The following SMYD3 variants were observed in gnomAD, a reference collection of about 807,000 sequenced individuals.
The protein encoded by SMYD3 is SET and MYND domain containing 3.
In SMYD3, 36 loss-of-function variants were observed where a neutral mutation model predicts 57.7. The observed-to-expected ratio is 0.62, with a 90% confidence interval of 0.48 to 0.82. The LOEUF is 0.82. Among genes scored for constraint, SMYD3 ranks in the 40% least tolerant of loss-of-function variants. SMYD3 has a pLI of 0.00. For synonymous variants in SMYD3, 211 were observed against 195.0 expected, an observed-to-expected ratio of 1.08 and a Z score of -0.68; for missense variants, 515 against 538.8, an observed-to-expected ratio of 0.96 and a Z score of 0.44.
At chr1:246,071,047 TAAG>T (rs1435000891) in intron 5 of SMYD3, among the ~76,000 whole-genome samples, 2 of 152,186 alleles carry the variant, frequency 1.3e-5, no homozygotes, top group African/African-American at 4.8e-5. Flanking sequence ...AAGGGTTTCC[TAAG>T]AAGATTACAA....
At chr1:246,029,106 A>G (rs2059623908) in intron 5 of SMYD3, among the ~76,000 whole-genome samples, 1 of 152,228 alleles carries the variant, frequency 6.6e-6, no homozygotes, top group Non-Finnish European at 1.5e-5. Flanking sequence ...CATAGGACCC[A>G]AAACTATAAA....
At chr1:246,379,081 TACACACACAC>T (rs34560740) in intron 1 of SMYD3, among the ~76,000 whole-genome samples, 13 of 130,520 alleles carry the variant, frequency 1.0e-4, no homozygotes, top group African/African-American at 3.1e-4. Context: ...CACACATACA[TACACACACAC>T]ACACACACAC....
intron 1 of SMYD3, among the ~76,000 whole-genome samples, chr1:246,471,693 G>A (rs2067963774): frequency 1.3e-5 from 2 of 152,172 alleles, no homozygotes; most frequent in Admixed American, 1.3e-4. Flanking sequence ...TGTTCCACTC[G>A]GATTTCATTT....
chr1:245,759,353 T>G (rs1296329427), intron 11 of SMYD3, among the ~76,000 whole-genome samples: 3 of 152,000 alleles, frequency 2.0e-5, no homozygotes, highest in Admixed American at 1.3e-4. Context: ...ATGTTAAGTG[T>G]TTAGAGGAGG....
chr1:246,184,996 T>C (rs762301286), intron 5 of SMYD3, among the ~76,000 whole-genome samples: 10 of 152,242 alleles, frequency 6.6e-5, no homozygotes, highest in Non-Finnish European at 1.2e-4. Context: ...ATTTGTTTCT[T>C]ACATTTCCTA....
At chr1:246,240,394 T>G (rs1348105012) in intron 5 of SMYD3, among the ~76,000 whole-genome samples, 1 of 152,192 alleles carries the variant, frequency 6.6e-6, no homozygotes, top group East Asian at 1.9e-4. Flanking sequence ...AAAGATCAGA[T>G]GGTTGTAGAT....
intron 5 of SMYD3, among the ~76,000 whole-genome samples, chr1:246,122,029 T>C (rs2148029189): frequency 6.6e-6 from 1 of 151,130 alleles, no homozygotes; most frequent in South Asian, 2.1e-4. Context: ...CAAATATAAA[T>C]ATCCCTTGCA....
At chr1:246,226,951 T>C (rs2063338712) in intron 5 of SMYD3, among the ~76,000 whole-genome samples, 1 of 152,242 alleles carries the variant, frequency 6.6e-6, no homozygotes, top group Non-Finnish European at 1.5e-5. Flanking sequence ...CTTGAATTTA[T>C]TTAGCATTAT....
chr1:245,830,296 T>C (rs972919174), intron 10 of SMYD3, among the ~76,000 whole-genome samples: 1 of 152,174 alleles, frequency 6.6e-6, no homozygotes, highest in Admixed American at 6.5e-5. Flanking sequence ...CTCACAATCA[T>C]GGCGGAAGGC....
intron 1 of SMYD3, among the ~76,000 whole-genome samples, chr1:246,390,660 A>G (rs1021810235): frequency 2.0e-5 from 3 of 152,228 alleles, no homozygotes; most frequent in Non-Finnish European, 4.4e-5. Flanking sequence ...TATTTAATCC[A>G]ACATATCCAA....
intron 10 of SMYD3, among the ~76,000 whole-genome samples, chr1:245,808,239 T>G (rs2148276477): frequency 6.6e-6 from 1 of 152,312 alleles, no homozygotes; most frequent in East Asian, 1.9e-4. Context: ...GATCTAAAGA[T>G]GGCATACTTG....
At chr1:246,284,821 G>A (rs937141420) in intron 5 of SMYD3, among the ~76,000 whole-genome samples, 3 of 152,142 alleles carry the variant, frequency 2.0e-5, no homozygotes, top group Non-Finnish European at 2.9e-5. Context: ...TTTCTAATGT[G>A]AAACCAGCCT....
chr1:245,818,670 C>T (rs1196920327), intron 10 of SMYD3, among the ~76,000 whole-genome samples: 2 of 151,752 alleles, frequency 1.3e-5, no homozygotes, highest in East Asian at 1.9e-4. Context: ...CAGAGACACA[C>T]ATAGGCTCAA....
chr1:246,061,265 T>C (rs901370758), intron 5 of SMYD3, among the ~76,000 whole-genome samples: 4 of 152,066 alleles, frequency 2.6e-5, no homozygotes, highest in African/African-American at 9.7e-5. Flanking sequence ...GCTTAAATTC[T>C]TGTAAAAATA....
At chr1:245,940,817 T>G (rs912148924) in intron 5 of SMYD3, among the ~76,000 whole-genome samples, 3 of 152,218 alleles carry the variant, frequency 2.0e-5, no homozygotes, top group African/African-American at 7.2e-5. Context: ...GAGTCTGAGC[T>G]GGATGAAATG....
intron 2 of SMYD3, among the ~76,000 whole-genome samples, chr1:246,343,194 T>C (rs1171881878): frequency 6.6e-6 from 1 of 152,236 alleles, no homozygotes; most frequent in Non-Finnish European, 1.5e-5. Context: ...AATGACTTAA[T>C]TGATAGTTTG....
chr1:245,936,221 C>T (rs2147873219), intron 5 of SMYD3, among the ~76,000 whole-genome samples: 2 of 152,170 alleles, frequency 1.3e-5, no homozygotes, highest in East Asian at 3.9e-4. Flanking sequence ...AGGGAAAATA[C>T]ATAAAATGAT....
chr1:246,434,322 A>G lies in SMYD3; in HGVS notation c.164+72732T>C, dbSNP rs147971706. On this transcript the variant is annotated intron_variant, in intron 1 of 11. Transcript: ENST00000490107. ...TAAAATAAAGAGCATCTGCACAGCA[A>G]AAGAAATTATCAACAGAGTAAACAG... 2.1e-3 allele frequency among the ~76,000 whole-genome samples: 327 copies of G among 152,370 alleles called. 3 individuals carry two copies. The highest frequency in any genetic ancestry group is 7.6e-3 in the African/African-American group (314 of 41,588).
chr1:246,082,009 G>A (rs1307843723), intron 5 of SMYD3, among the ~76,000 whole-genome samples: 3 of 152,240 alleles, frequency 2.0e-5, no homozygotes, highest in African/African-American at 4.8e-5. Context: ...ATGACGGTGA[G>A]AGGAATCTGG....
Sources: allele counts gnomAD v4.1 joint callset (sites outside exome capture counted in the v4.1 genomes callset), GRCh38; gene constraint gnomAD v4.1.1; transcripts MANE v1.5; gene names NCBI Gene and HGNC (gene_info 2026-07-23, HGNC 2026-07-21).